GPAM: variants seen among roughly 807,000 people sequenced by gnomAD.
GPAM encodes glycerol-3-phosphate acyltransferase, mitochondrial, also known as glycerol-3-phosphate acyltransferase 1, mitochondrial.
Under a neutral mutation model 105.0 loss-of-function variants are expected in GPAM, and 56 were observed. The ratio of observed to expected loss-of-function variants is 0.53; its 90% CI spans 0.43 to 0.67. GPAM has a LOEUF of 0.67. GPAM is among the 30% of genes least tolerant of loss of function. The pLI is 0.00. For synonymous variants in GPAM, 368 were observed against 354.4 expected (o/e 1.04, Z -0.43); for missense variants, 855 against 989.8 (o/e 0.86, Z 1.83).
At chr10:112,208,283 T>C (rs940439760) in intron 1 of GPAM, among the ~76,000 whole-genome samples, 3 of 152,200 alleles carry the variant, frequency 2.0e-5, no homozygotes, top group African/African-American at 7.2e-5. Context: ...AACACCACTC[T>C]GAAGATCAAC....
At chr10:112,167,249 C>A (rs1380540691) in intron 11 of GPAM, among the ~76,000 whole-genome samples, 1 of 152,138 alleles carries the variant, frequency 6.6e-6, no homozygotes, top group Non-Finnish European at 1.5e-5. Context: ...GTACCTCAGC[C>A]AAAATTTCCA....
At chr10:112,185,949 G>C (rs1847591655), upstream of GPAM, among the ~76,000 whole-genome samples, 1 of 151,658 alleles carries the variant, frequency 6.6e-6, no homozygotes, top group African/African-American at 2.4e-5. Context: ...AATAGATTAG[G>C]GAGGACAGAA....
At chr10:112,173,950 T>A in intron 6 of GPAM, 105 bp from the exon 7 acceptor site, 1 of 926,834 alleles carries the variant, frequency 1.1e-6, no homozygotes, top group South Asian at 1.3e-5. Context: ...AAATGTATGT[T>A]CTCTTTAAAA....
chr10:112,157,272 C>T lies in GPAM; in HGVS notation c.2098G>A (p.Glu700Lys). The change falls in exon 19 of 22, where the codon GAA (glutamate) becomes AAA (lysine). Residue 700 changes from glutamate (E) to lysine (K), a missense_variant. Coordinates refer to ENST00000348367, the MANE Select transcript of GPAM (RefSeq NM_001244949.2). ...EEDEDSDFGE[E>K]QRDCYLKVSQ... ...ACCTTCAGGTAGCAATCTCGCTGTT[C>T]CTCCCCAAAGTCACTGTCTTCATCT... 1 of 1,613,970 alleles carries T rather than the reference C, an allele frequency of 6.2e-7. No individual in the cohort carries two copies. Among genetic ancestry groups the T allele is most frequent in the Non-Finnish European group, 8.5e-7 (1 of 1,179,830 alleles).
At chr10:112,173,410 T>C (rs1206595485) in intron 7 of GPAM, among the ~76,000 whole-genome samples, 1 of 152,214 alleles carries the variant, frequency 6.6e-6, no homozygotes, top group Non-Finnish European at 1.5e-5. Context: ...ACTCCTTTTA[T>C]GACTCAGATA....
At position 112,151,716 on chromosome 10, in the gene GPAM, T is replaced by A; in HGVS notation, c.*1834A>T. ...AATCTTGAATAATGGTGAGCTTGAG[T>A]AATCCTTAATTTACAATTTAAAGGA... On this transcript the variant is annotated 3_prime_UTR_variant, in exon 22 of 22. Transcript: ENST00000348367. 1.0e-5 allele frequency: 10 copies of A among 985,266 alleles called. No homozygotes were observed. The highest frequency in any genetic ancestry group is 1.1e-5 in the Non-Finnish European group (9 of 829,846). 61.0% of individuals were successfully genotyped at this position (985,266 alleles called of 1,614,324 possible). A position where few individuals can be genotyped will look rare whatever the true frequency, so the allele number is the denominator to read the frequency against.
chr10:112,211,151 G>T (rs1399368579), intron 1 of GPAM, among the ~76,000 whole-genome samples: 1 of 152,158 alleles, frequency 6.6e-6, no homozygotes, highest in Non-Finnish European at 1.5e-5. Flanking sequence ...CCAGCTGGGG[G>T]AAGTAGGAGG....
chr10:112,215,100 T>C (rs1421736195), intron 1 of GPAM: 1 of 152,266 alleles, frequency 6.6e-6, no homozygotes, highest in African/African-American at 2.4e-5. Flanking sequence ...GGCTTCCTCG[T>C]CCTACCCCCG....
intron 14 of GPAM, 39 bp from the exon 15 acceptor site, chr10:112,161,776 T>C (rs762381852): frequency 1.3e-6 from 2 of 1,527,578 alleles, no homozygotes; most frequent in Non-Finnish European, 1.8e-6. Context: ...GTTGCACTTT[T>C]TACAAACATA....
intron 1 of GPAM, among the ~76,000 whole-genome samples, chr10:112,202,713 A>T (rs1320593055): frequency 2.0e-5 from 3 of 152,220 alleles, no homozygotes; most frequent in African/African-American, 7.2e-5. Flanking sequence ...CCACTCTGTT[A>T]AAAACCCTTC....
At chr10:112,183,662 C>T (rs1215960633) in intron 1 of GPAM, 31 bp downstream of exon 1, 2 of 152,884 alleles carry the variant, frequency 1.3e-5, no homozygotes, top group African/African-American at 4.8e-5. Context: ...AGTAGCCTCC[C>T]GCAGCCCACA....
chr10:112,179,680 T>C (rs866657345), intron 4 of GPAM, among the ~76,000 whole-genome samples: 7 of 152,290 alleles, frequency 4.6e-5, no homozygotes, highest in Middle Eastern at 3.4e-3. Flanking sequence ...CACAATTACC[T>C]AGCCACACAA....
rs57906877 is a variant in GPAM, at chr10:112,206,833, TAA to T, written n.210+8333_210+8334del. 1.9e-4 allele frequency among the ~76,000 whole-genome samples: 27 copies of T among 140,202 alleles called. 1 individual carries two copies. Among genetic ancestry groups the T allele is most frequent in the African/African-American group, 6.4e-4 (25 of 38,854 alleles). The allele number at this position is 140,202 out of a possible 152,430, so 92.0% of individuals were successfully genotyped here. On this transcript the variant is annotated intron_variant and non_coding_transcript_variant, in intron 1 of 3. Transcript: ENST00000480130. ...TTAAAGTATAATAAAAAAAAAAATTTAAAAAAAAAAAAAAAGAATCAAAACAG... is the reference window on the plus strand; with the variant it reads ...TTAAAGTATAATAAAAAAAAAAATTTAAAAAAAAAAAAAGAATCAAAACAG...
At chr10:112,178,576 CAAA>C (rs1270548515) in intron 4 of GPAM, among the ~76,000 whole-genome samples, 8 of 16,156 alleles carry the variant, frequency 5.0e-4, no homozygotes, top group Non-Finnish European at 1.2e-3. Flanking sequence ...AAACAAAAAA[CAAA>C]CAAACAAACA....
upstream of GPAM, among the ~76,000 whole-genome samples, chr10:112,217,296 T>A (rs947262916): frequency 7.2e-5 from 11 of 152,224 alleles, no homozygotes; most frequent in African/African-American, 2.7e-4. Flanking sequence ...TTTTTTTCTC[T>A]TAGCATAAAG....
rs943333764 is a variant in GPAM, at chr10:112,206,890, G to C, written n.210+8278C>G. Among the ~76,000 whole-genome samples the C allele has an allele frequency of 2.7e-5, 4 of 150,060 alleles. No homozygotes were observed. The East Asian group carries it at 5.8e-4, about 22-fold the overall frequency. The stretch of plus-strand genomic sequence containing the variant: ...TCTATCTTCTTCACTCTACCTCCAT[G>C]CCTGTGCAAATAATTCAGCTTATCC... On this transcript the variant is annotated intron_variant and non_coding_transcript_variant, in intron 1 of 3. Transcript: ENST00000480130.
intron 1 of GPAM, among the ~76,000 whole-genome samples, chr10:112,212,678 C>CCTGCCATT (rs1847925447): frequency 6.6e-6 from 1 of 152,204 alleles, no homozygotes. Flanking sequence ...GCTAGACCAG[C>CCTGCCATT]CTGCCATTGA....
At chr10:112,188,569 A>C (rs185715542), upstream of GPAM, among the ~76,000 whole-genome samples, 1,323 of 152,326 alleles carry the variant, frequency 8.7e-3, 4 homozygotes, top group Non-Finnish European at 0.014. Flanking sequence ...TCTCCTGGCC[A>C]ACTCTGAAAA....
intron 13 of GPAM, 90 bp downstream of exon 13, chr10:112,164,435 G>A (rs752130806): frequency 1.3e-6 from 1 of 759,154 alleles, no homozygotes; most frequent in East Asian, 2.5e-5. Context: ...ATAAGAATGT[G>A]CGCATTTTTA....
Sources: gnomAD v4.1 joint callset for allele counts (sites outside exome capture counted in the v4.1 genomes callset) on GRCh38, gnomAD v4.1.1 for gene constraint, MANE v1.5 for transcripts, NCBI Gene and HGNC (gene_info 2026-07-23, HGNC 2026-07-21) for gene names.